The following GUCY1A2 variants were observed in gnomAD, a reference collection of about 807,000 sequenced individuals.
The protein encoded by GUCY1A2 is guanylate cyclase soluble subunit alpha-2.
Under a neutral mutation model 63.5 loss-of-function variants are expected in GUCY1A2, and 27 were observed. The observed-to-expected ratio is 0.43, with a 90% CI of 0.31 to 0.59. GUCY1A2 has a LOEUF of 0.59. Among genes scored for constraint, GUCY1A2 ranks in the 20% least tolerant of loss-of-function variants. GUCY1A2 has a pLI of 0.11. For synonymous variants in GUCY1A2, 364 were observed against 343.5 expected, an observed-to-expected ratio of 1.06 and a Z score of -0.66; for missense variants, 768 against 913.3, an observed-to-expected ratio of 0.84 and a Z score of 2.05.
intron 6 of GUCY1A2, among the ~76,000 whole-genome samples, chr11:106,767,204 T>C (rs559286273): frequency 6.6e-6 from 1 of 152,254 alleles, no homozygotes; most frequent in Admixed American, 6.5e-5. Context: ...TGATAATATT[T>C]AACTAACAAA....
chr11:106,771,755 A>AG (rs1475908125), intron 6 of GUCY1A2, among the ~76,000 whole-genome samples: 1 of 136,550 alleles, frequency 7.3e-6, no homozygotes, highest in East Asian at 2.4e-4. Context: ...CTGTGTCTTG[A>AG]GGAAAAAAAA....
At position 106,834,547 on chromosome 11, in the gene GUCY1A2, T is replaced by C. The variant is rs868618912; in HGVS notation, c.1207-24069A>G. On this transcript the variant is annotated intron_variant, in intron 4 of 7. Transcript: ENST00000526355. ...CAACTTGATAATTTCCAGACTGTCA[T>C]TGTGCTATAGGCAAAAAATATCTAT... Among the ~76,000 whole-genome samples the C allele has an allele frequency of 5.9e-5, 9 of 152,092 alleles. 1 individual carries two copies. The South Asian group carries it at 1.9e-3, about 32-fold the overall frequency.
chr11:106,938,250 C>G (rs1860705385), intron 4 of GUCY1A2, among the ~76,000 whole-genome samples: 1 of 152,096 alleles, frequency 6.6e-6, no homozygotes, highest in East Asian at 1.9e-4. Context: ...AGCCATCTTT[C>G]TCGAATATTT....
At chr11:106,762,511 AC>A (rs1472438724) in intron 6 of GUCY1A2, among the ~76,000 whole-genome samples, 1 of 152,124 alleles carries the variant, frequency 6.6e-6, no homozygotes, top group Non-Finnish European at 1.5e-5. Context: ...AGACATTTGC[AC>A]CCCAACAAAG....
chr11:106,958,388 T>C (rs1034129214), intron 3 of GUCY1A2, among the ~76,000 whole-genome samples: 2 of 152,148 alleles, frequency 1.3e-5, no homozygotes, highest in Non-Finnish European at 2.9e-5. Flanking sequence ...CAAAATTCCT[T>C]CCTTCTTGCA....
At chr11:106,978,215 G>A (rs996497666) in intron 3 of GUCY1A2, among the ~76,000 whole-genome samples, 12 of 152,134 alleles carry the variant, frequency 7.9e-5, no homozygotes, top group African/African-American at 2.7e-4. Context: ...ATTGTAGAGT[G>A]TTAACAGTAC....
intron 3 of GUCY1A2, among the ~76,000 whole-genome samples, chr11:106,961,136 A>C (rs1488037515): frequency 6.6e-6 from 1 of 152,052 alleles, no homozygotes; most frequent in Non-Finnish European, 1.5e-5. Context: ...CATTGTGAGC[A>C]CACCTTGCTC....
intron 1 of GUCY1A2, among the ~76,000 whole-genome samples, chr11:107,008,463 A>G (rs1241327055): frequency 6.6e-6 from 1 of 152,176 alleles, no homozygotes; most frequent in Non-Finnish European, 1.5e-5. Flanking sequence ...AAAGCTGCAA[A>G]CAGAACAGTC....
At position 106,856,981 on chromosome 11, in the gene GUCY1A2, T is replaced by C. The variant is rs894753406; in HGVS notation, c.1207-46503A>G. ...GCTAATCTCCAAATAACTGGTATGT[T>C]CCCTTAAAATGGACTATATCCTACC... On this transcript the variant is annotated intron_variant, in intron 4 of 7. Transcript: ENST00000526355. Among the ~76,000 whole-genome samples the C allele has an allele frequency of 2.0e-5, 3 of 152,332 alleles. No individual in the cohort carries two copies. The South Asian group carries it at 6.2e-4, about 32-fold the overall frequency.
intron 5 of GUCY1A2, among the ~76,000 whole-genome samples, chr11:106,800,094 T>C (rs1373306479): frequency 6.6e-6 from 1 of 152,044 alleles, no homozygotes; most frequent in Non-Finnish European, 1.5e-5. Context: ...AACAGACACT[T>C]CTCAAAAGAA....
chr11:106,808,329 G>C (rs1023997915), intron 5 of GUCY1A2, among the ~76,000 whole-genome samples: 1 of 151,894 alleles, frequency 6.6e-6, no homozygotes, highest in African/African-American at 2.4e-5. Context: ...TATTATTCAT[G>C]ACTATATGAA....
chr11:106,958,203 G>A (rs1861015534), intron 3 of GUCY1A2, among the ~76,000 whole-genome samples: 1 of 152,118 alleles, frequency 6.6e-6, no homozygotes, highest in Non-Finnish European at 1.5e-5. Context: ...ACACCATTTA[G>A]TATAACATTG....
chr11:106,941,310 C>T (rs139084831), intron 3 of GUCY1A2, among the ~76,000 whole-genome samples: 41 of 152,132 alleles, frequency 2.7e-4, no homozygotes, highest in African/African-American at 9.6e-4. Flanking sequence ...TGTATTCTAT[C>T]GTAATAAGAA....
intron 3 of GUCY1A2, among the ~76,000 whole-genome samples, chr11:106,956,586 C>A (rs913388173): frequency 2.6e-5 from 4 of 152,060 alleles, no homozygotes; most frequent in Admixed American, 6.5e-5. Context: ...AGGTCGTATT[C>A]ATGTGATTCG....
At chr11:106,993,509 TTAC>T (rs1416199035) in intron 1 of GUCY1A2, among the ~76,000 whole-genome samples, 1 of 151,574 alleles carries the variant, frequency 6.6e-6, no homozygotes, top group African/African-American at 2.4e-5. Flanking sequence ...CTGACTAAAC[TTAC>T]TACATATAAG....
intron 4 of GUCY1A2, among the ~76,000 whole-genome samples, chr11:106,891,383 C>A (rs1447427240): frequency 6.6e-6 from 1 of 151,916 alleles, no homozygotes; most frequent in African/African-American, 2.4e-5. Flanking sequence ...AATATTTGCT[C>A]CCTGTCTGTG....
chr11:106,709,439 A>C (rs1863002579), intron 6 of GUCY1A2, among the ~76,000 whole-genome samples: 1 of 67,082 alleles, frequency 1.5e-5, no homozygotes, highest in Non-Finnish European at 2.4e-5. Context: ...AAGTATATAT[A>C]ATAATATATA....
At chr11:106,820,775 G>T (rs1858891318) in intron 4 of GUCY1A2, among the ~76,000 whole-genome samples, 1 of 152,166 alleles carries the variant, frequency 6.6e-6, no homozygotes, top group African/African-American at 2.4e-5. Context: ...ATAGAAAAGT[G>T]TATGTGTGAG....
intron 4 of GUCY1A2, among the ~76,000 whole-genome samples, chr11:106,811,202 T>C (rs1464730565): frequency 6.6e-6 from 1 of 152,084 alleles, no homozygotes; most frequent in African/African-American, 2.4e-5. Flanking sequence ...CTATTCCTCT[T>C]TTCTATGCCC....
Sources: gnomAD v4.1 joint callset for allele counts (sites outside exome capture counted in the v4.1 genomes callset) on GRCh38, gnomAD v4.1.1 for gene constraint, MANE v1.5 for transcripts, NCBI Gene and HGNC (gene_info 2026-07-23, HGNC 2026-07-21) for gene names.